MROH1: variants seen among roughly 807,000 people sequenced by gnomAD.
MROH1 encodes maestro heat-like repeat-containing protein family member 1.
A neutral mutation model predicts 116.5 loss-of-function variants in MROH1; 117 were observed. That is an observed-to-expected ratio of 1.00 (90% CI 0.86 to 1.17). The LOEUF (loss-of-function observed/expected upper bound fraction) is 1.17, where lower values mean the gene tolerates loss of function less well. Among genes scored for constraint, MROH1 ranks in the 50% most tolerant of loss-of-function variants. MROH1 has a pLI of 0.00. For missense variants in MROH1, 1,873 were observed against 1,338.5 expected (o/e 1.40, Z -6.23); for synonymous variants, 921 against 583.9 (o/e 1.58, Z -8.32).
At chr8:144,212,119 T>C (rs1834250987) in intron 12 of MROH1, among the ~76,000 whole-genome samples, 1 of 150,248 alleles carries the variant, frequency 6.7e-6, no homozygotes, top group African/African-American at 2.5e-5. Context: ...AGTCTCACTC[T>C]GTCGCCCAGG....
intron 4 of MROH1, chr8:144,175,358 C>A: frequency 2.2e-6 from 1 of 464,940 alleles, no homozygotes; most frequent in Non-Finnish European, 2.8e-6. Flanking sequence ...TCCCCCCCTC[C>A]CAGCAACAGG....
chr8:144,234,070 C>A (rs1045673689), intron 14 of MROH1, among the ~76,000 whole-genome samples: 1 of 152,128 alleles, frequency 6.6e-6, no homozygotes, highest in Non-Finnish European at 1.5e-5. Flanking sequence ...AGTGCAGTGG[C>A]GCGATCTCGG....
chr8:144,256,605 G>C (rs933074466), intron 35 of MROH1, among the ~76,000 whole-genome samples: 1 of 152,126 alleles, frequency 6.6e-6, no homozygotes, highest in African/African-American at 2.4e-5. Flanking sequence ...CTGGCCTGCT[G>C]CGAATCAGTG....
chr8:144,204,361 C>G (rs1464900242), intron 12 of MROH1, among the ~76,000 whole-genome samples: 1 of 152,208 alleles, frequency 6.6e-6, no homozygotes, highest in Admixed American at 6.5e-5. Flanking sequence ...ATCCTCTTTC[C>G]TTGGCCTCCC....
chr8:144,255,710 C>T lies in MROH1; in HGVS notation c.3791+5C>T. The T allele has an allele frequency of 1.3e-6, 1 of 750,392 alleles. No homozygotes were observed. The highest frequency in any genetic ancestry group is 2.5e-6 in the Non-Finnish European group (1 of 403,584). 46.5% of individuals were successfully genotyped at this position (750,392 alleles called of 1,614,324 possible). On this transcript the variant is annotated splice_donor_5th_base_variant and intron_variant, in intron 35 of 43. Coordinates refer to ENST00000326134, the MANE Select transcript of MROH1 (RefSeq NM_032450.3). ...CAGGAACCTGGAACCCTGCAGGTAT[C>T]TGGGTCCCCACTTCCCACCTCCAGT...
intron 37 of MROH1, 87 bp downstream of exon 37, chr8:144,259,441 A>G (rs1356219981): frequency 1.3e-5 from 9 of 707,112 alleles, no homozygotes; most frequent in Non-Finnish European, 2.1e-5. Context: ...TACCCCTAAA[A>G]GGCCCCCTCG....
intron 35 of MROH1, among the ~76,000 whole-genome samples, chr8:144,255,974 G>A (rs1843683679): frequency 6.6e-6 from 1 of 152,244 alleles, no homozygotes; most frequent in Admixed American, 6.5e-5. Context: ...CAGCTGGTGG[G>A]GGCTTCGTGT....
At position 144,209,019 on chromosome 8, in the gene MROH1, C is replaced by T. The variant is rs535230846; in HGVS notation, c.1141+8478C>T. Among the ~76,000 whole-genome samples, 8 of 145,210 alleles carry T rather than the reference C, an allele frequency of 5.5e-5. No individual in the cohort carries two copies. The East Asian group carries it at 1.6e-3, about 29-fold the overall frequency. ...CATTACAGGCATGAGCCAATGCACT[C>T]GGCCATTTTGTGTGTGTGTGTGTGT... On this transcript the variant is annotated intron_variant, in intron 12 of 43. Transcript: ENST00000326134.
rs1262865691 is a variant in MROH1, at chr8:144,240,094, G to A, written c.1775-7G>A. ...GGATGGGCTGGCCTGCGCGGCTGTCGTTTCAGAGCACACAGAAGAGACCCT... is the reference window on the plus strand; with the variant it reads ...GGATGGGCTGGCCTGCGCGGCTGTCATTTCAGAGCACACAGAAGAGACCCT... On this transcript the variant is annotated splice_region_variant and splice_polypyrimidine_tract_variant and intron_variant, in intron 18 of 43. Transcript: ENST00000326134. The A allele has an allele frequency of 3.0e-5, 23 of 777,204 alleles. No homozygotes were observed. The highest frequency in any genetic ancestry group is 6.8e-5 in the African/African-American group (4 of 59,086). 48.1% of individuals were successfully genotyped at this position (777,204 alleles called of 1,614,324 possible). A position where few individuals can be genotyped will look rare whatever the true frequency, so the allele number is the denominator to read the frequency against.
intron 12 of MROH1, among the ~76,000 whole-genome samples, chr8:144,215,633 A>G (rs1835062425): frequency 6.6e-6 from 1 of 152,144 alleles, no homozygotes; most frequent in Non-Finnish European, 1.5e-5. Context: ...GCACTTTGGG[A>G]GGCCGAGACC....
intron 37 of MROH1, 109 bp from the exon 38 acceptor site, chr8:144,259,802 C>G (rs1253259340): frequency 2.9e-6 from 2 of 701,356 alleles, no homozygotes; most frequent in East Asian, 5.4e-5. Flanking sequence ...TGCTCCACCT[C>G]TGTCTGCCAC....
rs1457607044 is a variant in MROH1 at position 144,240,798 on chromosome 8, TGTG to T, written c.1935+126_1935+128del. ...CCCTGGTGGCCTGGCAGAGCCTCCT[TGTG>T]GTGGCTGAGGGCCAGGAGTGCGAGA... On this transcript the variant is annotated intron_variant, in intron 20 of 43. Coordinates refer to ENST00000326134, the MANE Select transcript of MROH1 (RefSeq NM_032450.3). 1.4e-3 allele frequency: 930 copies of T among 684,670 alleles called. 8 individuals carry two copies. In the African/African-American group the frequency reaches 0.014, roughly 11 times the overall value. 42.4% of individuals were successfully genotyped at this position (684,670 alleles called of 1,614,324 possible).
At chr8:144,194,164 G>A (rs1829293046) in intron 10 of MROH1, among the ~76,000 whole-genome samples, 1 of 152,100 alleles carries the variant, frequency 6.6e-6, no homozygotes, top group African/African-American at 2.4e-5. Context: ...CTGGGTTTAA[G>A]CAATTCTCTT....
At chr8:144,181,344 G>A (rs1222168171) in intron 7 of MROH1, among the ~76,000 whole-genome samples, 2 of 107,826 alleles carry the variant, frequency 1.9e-5, no homozygotes, top group Non-Finnish European at 4.1e-5. Flanking sequence ...GGTGGGGCCC[G>A]GGCAGGGCAT....
At chr8:144,155,063 A>G (rs1489698116) in intron 1 of MROH1, among the ~76,000 whole-genome samples, 3 of 151,164 alleles carry the variant, frequency 2.0e-5, no homozygotes, top group African/African-American at 7.3e-5. Context: ...TGATCCACCC[A>G]CCTCGGCGTC....
intron 19 of MROH1, 150 bp from the exon 20 acceptor site, chr8:144,240,420 G>A: frequency 1.5e-6 from 1 of 680,872 alleles, no homozygotes; most frequent in Non-Finnish European, 2.7e-6. Context: ...TGGCATGGCT[G>A]TCCCCTGAGG....
intron 12 of MROH1, among the ~76,000 whole-genome samples, chr8:144,216,785 G>A (rs1330854392): frequency 1.3e-5 from 2 of 151,354 alleles, no homozygotes; most frequent in Non-Finnish European, 2.9e-5. Context: ...CACCTCCTGG[G>A]TTCAAGCGAT....
chr8:144,256,838 A>T (rs62532296), intron 35 of MROH1, among the ~76,000 whole-genome samples: 24,306 of 152,286 alleles, frequency 0.16, 2,563 homozygotes, highest in Non-Finnish European at 0.24. Flanking sequence ...GATTTGTCGA[A>T]GCTGGTTGTG....
rs888732798 is a variant in MROH1 at position 144,170,784 on chromosome 8, G to T, written c.168+2344G>T. ...AGCATGCCACCTGTGCCACCAAGGG[G>T]TGCTGGGCCTCACGGTTTTAGACAC... is the stretch of plus-strand genomic sequence containing the variant. On this transcript the variant is annotated intron_variant, in intron 4 of 43. Coordinates refer to ENST00000326134, the MANE Select transcript of MROH1 (RefSeq NM_032450.3). Among the ~76,000 whole-genome samples, 6 of 152,348 alleles carry T rather than the reference G, an allele frequency of 3.9e-5. 1 individual carries two copies. The South Asian group carries it at 8.3e-4, about 21-fold the overall frequency.
Sources: gnomAD v4.1 joint callset for allele counts (sites outside exome capture counted in the v4.1 genomes callset) on GRCh38, gnomAD v4.1.1 for gene constraint, MANE v1.5 for transcripts, NCBI Gene and HGNC (gene_info 2026-07-23, HGNC 2026-07-21) for gene names.